The following ANKRD30B variants were observed in gnomAD, a reference collection of about 807,000 sequenced individuals.
ANKRD30B encodes the protein ankyrin repeat domain 30B.
Under a neutral mutation model 202.2 loss-of-function variants are expected in ANKRD30B, and 144 were observed. That is an observed-to-expected ratio of 0.71 (90% CI 0.62 to 0.82). The LOEUF is 0.82. Ranked by LOEUF, ANKRD30B falls within the 40% of genes least tolerant of loss-of-function variation. The probability of loss-of-function intolerance (pLI) is 0.00; values close to 1 mark genes in which losing one functional copy is unlikely to be tolerated. For synonymous variants in ANKRD30B, 508 were observed against 561.3 expected, an observed-to-expected ratio of 0.91 and a Z score of 1.34; for missense variants, 1,487 against 1,669.1, an observed-to-expected ratio of 0.89 and a Z score of 1.90.
intron 33 of ANKRD30B, among the ~76,000 whole-genome samples, chr18:14,830,628 C>T (rs533975956): frequency 6.6e-6 from 1 of 152,208 alleles, no homozygotes; most frequent in African/African-American, 2.4e-5. Flanking sequence ...CAGAGATAGA[C>T]AATGGATAAG....
chr18:14,768,162 T>A (rs370318314), intron 7 of ANKRD30B, among the ~76,000 whole-genome samples: 8 of 152,296 alleles, frequency 5.3e-5, no homozygotes, highest in Middle Eastern at 3.4e-3. Context: ...AGATTTTTTT[T>A]ATTCATGCCT....
At chr18:14,752,517 T>A (rs1913608060) in intron 1 of ANKRD30B, 49 bp from the exon 2 acceptor site, 1 of 1,410,220 alleles carries the variant, frequency 7.1e-7, no homozygotes, top group Non-Finnish European at 9.8e-7. Context: ...CGTTGTATGT[T>A]TTGAGACAGT....
chr18:14,930,068 G>A, the ANKRD30B span, among the ~76,000 whole-genome samples: 1 of 152,186 alleles, frequency 6.6e-6, no homozygotes, highest in Non-Finnish European at 1.5e-5. Context: ...TTAGATGAAT[G>A]TATTGCCTTA....
chr18:14,748,433 T>C lies in ANKRD30B; in HGVS notation c.14T>C (p.Leu5Ser), dbSNP rs936311548. The change falls in exon 1 of 44, where the codon TTA (leucine) becomes TCA (serine). Residue 5 changes from leucine (L) to serine (S), a missense_variant. By Grantham distance (145) the Leu-to-Ser change is moderately radical. Transcript: ENST00000690538. ...GGGGCTGCAGCCATGAAGAGGCTCT[T>C]AGCTGCCGCTGGCAAGGGCGTGCGG... MKRL[L>S]AAAGKGVRGP... 3 of 1,510,812 alleles carry C rather than the reference T, an allele frequency of 2.0e-6. No homozygotes were observed. The highest frequency in any genetic ancestry group is 2.7e-6 in the Non-Finnish European group (3 of 1,127,292). 93.6% of individuals were successfully genotyped at this position (1,510,812 alleles called of 1,614,324 possible). A position where few individuals can be genotyped will look rare whatever the true frequency, so the allele number is the denominator to read the frequency against.
At chr18:14,900,867 G>A in the ANKRD30B span, among the ~76,000 whole-genome samples, 1 of 152,182 alleles carries the variant, frequency 6.6e-6, no homozygotes, top group Non-Finnish European at 1.5e-5. Flanking sequence ...TTATGGAACG[G>A]TGAGCTAAAT....
In ANKRD30B at chr18:14,796,358, A is replaced by C. The variant is rs1162907320; in HGVS notation, c.1870A>C (p.Lys624Gln). ...DGLLKPTCGR[K>Q]VSLPNKALEL... is the part of the protein sequence containing the mutation. ...ACCCATTTAGCCTACCTGTGGAAGG[A>C]AAGTTTCTCTTCCAAATAAAGCCTT... Residue 624 changes from lysine (K) to glutamine (Q), a missense_variant, in exon 18 of 44, where the codon AAA becomes CAA. Transcript: ENST00000690538. 6.3e-7 allele frequency: 1 copy of C among 1,581,448 alleles called. No individual in the cohort carries two copies. Among genetic ancestry groups the C allele is most frequent in the Admixed American group, 1.8e-5 (1 of 55,372 alleles).
the ANKRD30B span, chr18:14,889,026 T>A: frequency 1.5e-5 from 7 of 473,376 alleles, no homozygotes; most frequent in Non-Finnish European, 2.6e-5. Context: ...AACCCTCAGA[T>A]TGAGCAGGCC....
intron 24 of ANKRD30B, 22 bp from the exon 25 acceptor site, chr18:14,808,529 A>G (rs1411212533): frequency 7.1e-7 from 1 of 1,415,688 alleles, no homozygotes; most frequent in Non-Finnish European, 9.9e-7. Context: ...ATAATCAATT[A>G]TATATGTCCC....
At chr18:14,765,441 T>C (rs1453759770) in intron 7 of ANKRD30B, among the ~76,000 whole-genome samples, 1 of 147,774 alleles carries the variant, frequency 6.8e-6, no homozygotes, top group Non-Finnish European at 1.5e-5. Flanking sequence ...CCAGCCTGGG[T>C]GACAGAGCAA....
chr18:14,888,248 A>T, the ANKRD30B span, among the ~76,000 whole-genome samples: 1 of 152,110 alleles, frequency 6.6e-6, no homozygotes. Context: ...TTCCAAAGTT[A>T]GTGTGGCTTG....
chr18:14,888,594 C>T, the ANKRD30B span: 68 of 371,812 alleles, frequency 1.8e-4, 2 homozygotes, highest in South Asian at 5.5e-3. Flanking sequence ...CAGTAGTTTT[C>T]CAGCCTTTCT....
chr18:14,779,910 T>A (rs769424301), intron 10 of ANKRD30B, 50 bp from the exon 11 acceptor site: 1 of 1,310,524 alleles, frequency 7.6e-7, no homozygotes, highest in African/African-American at 1.5e-5. Flanking sequence ...GTTTTTAAAA[T>A]TTATAATAAG....
At chr18:14,903,915 C>T in the ANKRD30B span, among the ~76,000 whole-genome samples, 1 of 152,328 alleles carries the variant, frequency 6.6e-6, no homozygotes. Flanking sequence ...GACCAGATAC[C>T]TGTGTAAGCT....
intron 16 of ANKRD30B, 79 bp downstream of exon 16, chr18:14,791,570 A>C (rs71364855): frequency 1.7e-5 from 19 of 1,132,854 alleles, no homozygotes; most frequent in Non-Finnish European, 2.2e-5. Flanking sequence ...CCTCTAATAG[A>C]TGAAGAAAAT....
the ANKRD30B span, among the ~76,000 whole-genome samples, chr18:14,901,556 T>TTG: frequency 1.6e-3 from 55 of 35,060 alleles, 1 homozygote; most frequent in East Asian, 0.028. Context: ...CAAGACAAAG[T>TTG]TTTTTTTTTT....
intron 20 of ANKRD30B, among the ~76,000 whole-genome samples, chr18:14,798,384 T>C (rs1477900028): frequency 6.6e-6 from 1 of 152,060 alleles, no homozygotes; most frequent in Non-Finnish European, 1.5e-5. Context: ...TACAATATAG[T>C]GTGTGCATCG....
chr18:14,789,877 CT>C (rs1968350043), intron 15 of ANKRD30B, among the ~76,000 whole-genome samples: 1 of 152,154 alleles, frequency 6.6e-6, no homozygotes, highest in African/African-American at 2.4e-5. Flanking sequence ...GATGCAGGCT[CT>C]TTTTTGGTTA....
chr18:14,867,933 C>G, the ANKRD30B span, among the ~76,000 whole-genome samples: 1 of 152,234 alleles, frequency 6.6e-6, no homozygotes, highest in African/African-American at 2.4e-5. Context: ...CCAGCTGCTC[C>G]AAGCCAGGCT....
intron 7 of ANKRD30B, among the ~76,000 whole-genome samples, chr18:14,767,497 CTTCT>C (rs1916432128): frequency 6.6e-6 from 1 of 152,106 alleles, no homozygotes; most frequent in Non-Finnish European, 1.5e-5. Context: ...TGTACTCACC[CTTCT>C]TTTTCTTGTG....
Sources: allele counts gnomAD v4.1 joint callset (sites outside exome capture counted in the v4.1 genomes callset), GRCh38; gene constraint gnomAD v4.1.1; transcripts MANE v1.5; gene names NCBI Gene and HGNC (gene_info 2026-07-23, HGNC 2026-07-21).